Variants in RIMS1 observed in about 807,000 individuals in gnomAD.
RIMS1 encodes regulating synaptic membrane exocytosis protein 1.
In RIMS1, 83 loss-of-function variants were observed where a neutral mutation model predicts 214.1. That is an observed-to-expected ratio of 0.39 (90% CI 0.32 to 0.47). The LOEUF (loss-of-function observed/expected upper bound fraction) is 0.47, where lower values mean the gene tolerates loss of function less well. Ranked by LOEUF, RIMS1 falls within the 20% of genes least tolerant of loss-of-function variation. The pLI is 0.99. For synonymous variants in RIMS1, 793 were observed against 786.8 expected, an observed-to-expected ratio of 1.01 and a Z score of -0.13; for missense variants, 2,050 against 2,161.8, an observed-to-expected ratio of 0.95 and a Z score of 1.03.
At chr6:71,988,512 C>T (rs950127807) in intron 2 of RIMS1, among the ~76,000 whole-genome samples, 4 of 151,862 alleles carry the variant, frequency 2.6e-5, no homozygotes, top group African/African-American at 4.8e-5. Flanking sequence ...GGCAGAAATC[C>T]GATGTCAGTA....
At chr6:72,357,427 T>G (rs1002151120) in intron 29 of RIMS1, among the ~76,000 whole-genome samples, 5 of 152,214 alleles carry the variant, frequency 3.3e-5, no homozygotes, top group African/African-American at 1.2e-4. Context: ...GGTAGAATAT[T>G]CTAAGGTGTA....
chr6:72,301,731 AG>A (rs2094626708), intron 26 of RIMS1, among the ~76,000 whole-genome samples: 1 of 151,624 alleles, frequency 6.6e-6, no homozygotes, highest in African/African-American at 2.4e-5. Context: ...ATATGAGATG[AG>A]GTGCTTAGGT....
intron 1 of RIMS1, among the ~76,000 whole-genome samples, chr6:71,936,345 A>G (rs1485476624): frequency 1.3e-5 from 2 of 150,406 alleles, no homozygotes; most frequent in African/African-American, 2.4e-5. Context: ...AAAAAAAAAA[A>G]AAAAAAAGAA....
chr6:72,231,046 A>G (rs763435061), intron 6 of RIMS1, among the ~76,000 whole-genome samples: 7 of 151,658 alleles, frequency 4.6e-5, no homozygotes, highest in South Asian at 2.1e-4. Context: ...CTGGCAGCCA[A>G]TATCTTTAAT....
intron 4 of RIMS1, among the ~76,000 whole-genome samples, chr6:72,176,655 T>C (rs1015489083): frequency 2.6e-5 from 4 of 152,096 alleles, no homozygotes; most frequent in African/African-American, 9.7e-5. Flanking sequence ...AAAATACAAA[T>C]TTAAAAATGT....
chr6:72,280,439 T>C lies in RIMS1; in HGVS notation c.3483-3608T>C, dbSNP rs2089516068. On this transcript the variant is annotated intron_variant, in intron 23 of 33. Coordinates refer to ENST00000521978, the MANE Select transcript of RIMS1 (RefSeq NM_014989.7). ...GGCTGTGTTAAAATATACAATATTT[T>C]GGCTATAATTTGGATTCAAAATAGA... Among the ~76,000 whole-genome samples, 6 of 152,078 alleles carry C rather than the reference T, an allele frequency of 3.9e-5. No individual in the cohort carries two copies. In the South Asian group the frequency reaches 1.2e-3, roughly 31 times the overall value.
chr6:71,938,373 C>G (rs967378691), intron 1 of RIMS1, among the ~76,000 whole-genome samples: 4 of 152,208 alleles, frequency 2.6e-5, no homozygotes, highest in Non-Finnish European at 5.9e-5. Context: ...CACATGTGCA[C>G]TTGGCATTGC....
At chr6:72,233,166 A>C (rs2062667847) in intron 6 of RIMS1, among the ~76,000 whole-genome samples, 1 of 151,848 alleles carries the variant, frequency 6.6e-6, no homozygotes, top group Admixed American at 6.6e-5. Context: ...TTAAGCCAAA[A>C]GATCAAAAAT....
At chr6:72,217,075 A>C in intron 6 of RIMS1, 1 of 1,493,420 alleles carries the variant, frequency 6.7e-7, no homozygotes, top group South Asian at 1.3e-5. Context: ...TTTTATTTAA[A>C]ATGTTGTATT....
chr6:71,959,852 T>C (rs1677019638), intron 1 of RIMS1, among the ~76,000 whole-genome samples: 1 of 152,122 alleles, frequency 6.6e-6, no homozygotes, highest in Non-Finnish European at 1.5e-5. Context: ...GAAGAAACTA[T>C]GGTATTTCAC....
At position 72,250,347 on chromosome 6, in the gene RIMS1, T is replaced by G. The variant is rs1374348436; in HGVS notation, c.2259T>G (p.Asp753Glu). 2 of 1,608,886 alleles carry G rather than the reference T, an allele frequency of 1.2e-6. No individual in the cohort carries two copies. The highest frequency in any genetic ancestry group is 1.3e-5 in the African/African-American group (1 of 74,844). Residue 753 changes from aspartate to glutamate, a missense_variant, in exon 13 of 34, where the codon GAT becomes GAG. Transcript: ENST00000521978. The stretch of plus-strand genomic sequence containing the variant: ...GCTCCTAGGTGAAGTTGTGGTATGA[T>G]AAAGTGGGACACCAGCTGATTGTAA... ...PGQLSVKLWY[D>E]KVGHQLIVNV...
intron 9 of RIMS1, among the ~76,000 whole-genome samples, chr6:72,240,428 G>C (rs1324812649): frequency 2.0e-5 from 3 of 149,958 alleles, no homozygotes; most frequent in Non-Finnish European, 4.4e-5. Flanking sequence ...GAAAAATCAG[G>C]GTAAGTATTG....
intron 2 of RIMS1, among the ~76,000 whole-genome samples, chr6:72,009,476 G>A (rs376914851): frequency 6.6e-6 from 1 of 152,114 alleles, no homozygotes; most frequent in Non-Finnish European, 1.5e-5. Context: ...ACTAAGATCA[G>A]AGCAGAACTG....
At chr6:72,311,371 CAG>C (rs1177753108) in intron 27 of RIMS1, among the ~76,000 whole-genome samples, 3 of 152,258 alleles carry the variant, frequency 2.0e-5, no homozygotes, top group Non-Finnish European at 4.4e-5. Context: ...AAATTGAAAA[CAG>C]ATCTGATTAA....
intron 22 of RIMS1, among the ~76,000 whole-genome samples, chr6:72,268,257 A>G (rs895526342): frequency 6.6e-6 from 1 of 152,070 alleles, no homozygotes; most frequent in Non-Finnish European, 1.5e-5. Context: ...AAGCCCCTAG[A>G]CAGTATGCGG....
At chr6:72,371,979 G>C (rs748010301) in intron 29 of RIMS1, among the ~76,000 whole-genome samples, 1 of 152,112 alleles carries the variant, frequency 6.6e-6, no homozygotes, top group Non-Finnish European at 1.5e-5. Flanking sequence ...GTCTAACCAG[G>C]AAACAGTCTA....
At chr6:72,322,044 A>G (rs1325010242) in intron 28 of RIMS1, among the ~76,000 whole-genome samples, 1 of 152,162 alleles carries the variant, frequency 6.6e-6, no homozygotes, top group Non-Finnish European at 1.5e-5. Flanking sequence ...TATAGAAAGC[A>G]ATTTTCAAAT....
chr6:72,230,421 G>C (rs1287478266), intron 6 of RIMS1, among the ~76,000 whole-genome samples: 1 of 151,630 alleles, frequency 6.6e-6, no homozygotes, highest in Non-Finnish European at 1.5e-5. Flanking sequence ...TGGTCAAGTA[G>C]AGCTGTCATG....
intron 4 of RIMS1, among the ~76,000 whole-genome samples, chr6:72,117,757 C>A (rs1320838193): frequency 6.6e-6 from 1 of 151,698 alleles, no homozygotes; most frequent in African/African-American, 2.4e-5. Context: ...TTATCAAAAC[C>A]TCTGGGATAC....
Sources: allele counts gnomAD v4.1 joint callset (sites outside exome capture counted in the v4.1 genomes callset), GRCh38; gene constraint gnomAD v4.1.1; transcripts MANE v1.5; gene names NCBI Gene and HGNC (gene_info 2026-07-23, HGNC 2026-07-21).